LPAR6: variants seen among roughly 807,000 people sequenced by gnomAD.
LPAR6 encodes the protein lysophosphatidic acid receptor 6, also known as G-protein coupled purinergic receptor P2Y5.
In LPAR6, 17 loss-of-function variants were observed where a neutral mutation model predicts 22.0. The ratio of observed to expected loss-of-function variants is 0.77; its 90% confidence interval spans 0.53 to 1.16. The LOEUF (loss-of-function observed/expected upper bound fraction) is 1.16, where lower values mean the gene tolerates loss of function less well. Ranked by LOEUF, LPAR6 falls within the 50% of genes most tolerant of loss-of-function variation. LPAR6 has a pLI of 0.00. For missense variants in LPAR6, 384 were observed against 406.9 expected (o/e 0.94, Z 0.48); for synonymous variants, 136 against 139.8 (o/e 0.97, Z 0.19).
chr13:48,431,549 A>C (rs1052251483), upstream of LPAR6, among the ~76,000 whole-genome samples: 1 of 152,112 alleles, frequency 6.6e-6, no homozygotes, highest in Non-Finnish European at 1.5e-5. Context: ...CCAGAGCAAA[A>C]TTTCTGTGGT....
At chr13:48,418,175 T>A (rs1006547979) in intron 2 of LPAR6, among the ~76,000 whole-genome samples, 13 of 152,110 alleles carry the variant, frequency 8.5e-5, no homozygotes, top group African/African-American at 3.1e-4. Flanking sequence ...AGACTAATAG[T>A]GGATCTCTCT....
At chr13:48,418,054 A>G (rs1351091408), upstream of LPAR6, among the ~76,000 whole-genome samples, 9 of 152,318 alleles carry the variant, frequency 5.9e-5, no homozygotes, top group East Asian at 1.7e-3. Context: ...CTCCTCAAGA[A>G]GAGCAACCCC....
intron 1 of LPAR6, among the ~76,000 whole-genome samples, chr13:48,403,440 G>C (rs2138184337): frequency 6.6e-6 from 1 of 151,998 alleles, no homozygotes; most frequent in South Asian, 2.1e-4. Flanking sequence ...CATTTTTTTA[G>C]TATAAAAAAT....
chr13:48,427,131 C>A (rs1207968224), upstream of LPAR6, among the ~76,000 whole-genome samples: 2 of 152,190 alleles, frequency 1.3e-5, no homozygotes, highest in African/African-American at 4.8e-5. Context: ...TTCTACCAAA[C>A]CTCACCTCCA....
chr13:48,412,521 G>T lies in LPAR6; in HGVS notation c.-98C>A. ...AACCTCTATAACCTCCAATTTATTTGCAAATTATCTGGATCTTTGGATGGT... is the reference window on the plus strand; with the variant it reads ...AACCTCTATAACCTCCAATTTATTTTCAAATTATCTGGATCTTTGGATGGT... On this transcript the variant is annotated 5_prime_UTR_variant, in exon 1 of 1. Transcript: ENST00000620633. The T allele has an allele frequency of 1.2e-6, 1 of 811,320 alleles. No individual in the cohort carries two copies. Among genetic ancestry groups the T allele is most frequent in the Non-Finnish European group, 2.2e-6 (1 of 454,084 alleles). The allele number at this position is 811,320 out of a possible 1,614,324, so 50.3% of individuals were successfully genotyped here.
At chr13:48,430,246 T>C (rs981744412), upstream of LPAR6, among the ~76,000 whole-genome samples, 5 of 152,166 alleles carry the variant, frequency 3.3e-5, no homozygotes, top group Non-Finnish European at 5.9e-5. Flanking sequence ...ATTTATCCAC[T>C]TCAAATCAGT....
chr13:48,392,349 G>A (rs1948617335), intron 1 of LPAR6, among the ~76,000 whole-genome samples: 1 of 152,024 alleles, frequency 6.6e-6, no homozygotes. Flanking sequence ...GATCTCAGGT[G>A]ACCCACCCAC....
At position 48,412,735 on chromosome 13, in the gene LPAR6, G is replaced by A; in HGVS notation, c.-312C>T. 2.6e-6 allele frequency: 1 copy of A among 378,368 alleles called. No homozygotes were observed. Among genetic ancestry groups the A allele is most frequent in the Non-Finnish European group, 5.1e-6 (1 of 195,244 alleles). 23.4% of individuals were successfully genotyped at this position (378,368 alleles called of 1,614,324 possible). ...ATACAGTCAACGAGTCCAACCCATA[G>A]GATTATAAATTTAAAGAAAAGCTGT... On this transcript the variant is annotated 5_prime_UTR_variant, in exon 1 of 1. Transcript: ENST00000620633.
downstream of LPAR6, chr13:48,408,607 C>G (rs987650840): frequency 1.0e-3 from 153 of 152,144 alleles, no homozygotes; most frequent in African/African-American, 3.6e-3. Context: ...AGAAAACCCT[C>G]AGAATATATG....
At position 48,412,219 on chromosome 13, in the gene LPAR6, TA is replaced by T; in HGVS notation, c.204del (p.Phe68LeufsTer26). ...NLAMSDLLFV[F>X]TLPFRIFYFT... ...AAGTAAAAAATCCTGAAGGGTAAAG[TA>T]AAAACAAAAAGCAAGTCTGACATTG... On this transcript the variant is annotated frameshift_variant, in exon 1 of 1. Transcript: ENST00000620633. LOFTEE classifies it high-confidence loss of function. 6.2e-7 allele frequency: 1 copy of T among 1,613,864 alleles called. No individual in the cohort carries two copies. Among genetic ancestry groups the T allele is most frequent in the Non-Finnish European group, 8.5e-7 (1 of 1,179,902 alleles).
intron 2 of LPAR6, among the ~76,000 whole-genome samples, chr13:48,419,869 C>G (rs198624): frequency 0.78 from 118,976 of 152,062 alleles, 52,249 homozygotes; most frequent in Non-Finnish European, 0.97. Context: ...AGACCAATAA[C>G]AAGTTCTGAA....
chr13:48,441,575 G>GACT (rs1653929233), intron 1 of LPAR6, among the ~76,000 whole-genome samples: 1 of 152,080 alleles, frequency 6.6e-6, no homozygotes, highest in South Asian at 2.1e-4. Context: ...GGTCCACCTA[G>GACT]AAGTAGAAGC....
intron 1 of LPAR6, among the ~76,000 whole-genome samples, chr13:48,438,352 C>G (rs12583644): frequency 0.018 from 2,764 of 152,142 alleles, 75 homozygotes; most frequent in African/African-American, 0.059. Flanking sequence ...TCTTCTCTTG[C>G]TTCTGAGCAC....
chr13:48,432,859 GA>G (rs1949144453), intron 1 of LPAR6, among the ~76,000 whole-genome samples: 1 of 151,856 alleles, frequency 6.6e-6, no homozygotes, highest in Non-Finnish European at 1.5e-5. Flanking sequence ...AAATTAAAAG[GA>G]AAAAAGATAG....
chr13:48,391,444 G>C (rs138069608), intron 1 of LPAR6: 265 of 151,694 alleles, frequency 1.7e-3, no homozygotes, highest in African/African-American at 5.8e-3. Context: ...GATTCCTTTT[G>C]TTTTCCTTCT....
intron 2 of LPAR6, among the ~76,000 whole-genome samples, chr13:48,420,479 G>T (rs780309727): frequency 5.9e-5 from 9 of 152,268 alleles, no homozygotes; most frequent in Middle Eastern, 6.8e-3. Flanking sequence ...ACTGGCACAA[G>T]ACAAGGATGC....
downstream of LPAR6, among the ~76,000 whole-genome samples, chr13:48,407,306 G>A (rs1948749020): frequency 6.6e-6 from 1 of 152,142 alleles, no homozygotes; most frequent in Non-Finnish European, 1.5e-5. Context: ...AATGAAAGAG[G>A]TAATTTTCTA....
chr13:48,421,924 G>A (rs1292636784), intron 2 of LPAR6, among the ~76,000 whole-genome samples: 2 of 152,172 alleles, frequency 1.3e-5, no homozygotes. Flanking sequence ...TGGTGGGAGT[G>A]TAAATTAGTT....
chr13:48,442,302 G>A (rs1378260819), intron 1 of LPAR6, among the ~76,000 whole-genome samples: 1 of 151,918 alleles, frequency 6.6e-6, no homozygotes, highest in Non-Finnish European at 1.5e-5. Context: ...CTGGGTTCAC[G>A]CCATTCTCCT....
Sources: gnomAD v4.1 joint callset for allele counts (sites outside exome capture counted in the v4.1 genomes callset) on GRCh38, gnomAD v4.1.1 for gene constraint, MANE v1.5 for transcripts, NCBI Gene and HGNC (gene_info 2026-07-23, HGNC 2026-07-21) for gene names.